CSDE1: variants seen among roughly 807,000 people sequenced by gnomAD.
The protein encoded by CSDE1 is cold shock domain containing E1.
Under a neutral mutation model 89.3 loss-of-function variants are expected in CSDE1, and 17 were observed. The ratio of observed to expected loss-of-function variants is 0.19; its 90% CI spans 0.13 to 0.29. The LOEUF is 0.29. CSDE1 is among the 10% of genes least tolerant of loss of function. The pLI, the probability that CSDE1 is intolerant of heterozygous loss-of-function variation, is 1.00. For synonymous variants in CSDE1, 322 were observed against 332.8 expected, an observed-to-expected ratio of 0.97 and a Z score of 0.35; for missense variants, 672 against 984.2, an observed-to-expected ratio of 0.68 and a Z score of 4.24.
At chr1:114,740,983 G>A (rs1231994392) in intron 2 of CSDE1, among the ~76,000 whole-genome samples, 2 of 152,158 alleles carry the variant, frequency 1.3e-5, no homozygotes, top group Non-Finnish European at 2.9e-5. Context: ...TTGAGTCAAC[G>A]ATATGTGTGA....
intron 1 of CSDE1, among the ~76,000 whole-genome samples, chr1:114,756,153 C>G (rs994242496): frequency 6.6e-6 from 1 of 152,156 alleles, no homozygotes; most frequent in Non-Finnish European, 1.5e-5. Context: ...CCCACACTCG[C>G]TAAAGGTCAC....
rs1227337956 is a variant in CSDE1 at position 114,734,503 on chromosome 1, C to T, written c.521G>A (p.Arg174His). 2 of 1,611,792 alleles carry T rather than the reference C, an allele frequency of 1.2e-6. No individual in the cohort carries two copies. The highest frequency in any genetic ancestry group is 1.1e-5 in the South Asian group (1 of 90,366). The change falls in exon 7 of 20, where the codon CGC (arginine) becomes CAC (histidine). Residue 174 changes from arginine (R) to histidine (H), a missense_variant. Physicochemically the swap from Arg to His is conservative, Grantham distance 29. Coordinates refer to ENST00000358528, the MANE Select transcript of CSDE1 (RefSeq NM_001007553.3). ...NNKHTGAVSA[R>H]NIMLLKKKQA... ...TTTCTTTTTCAACAGCATAATGTTG[C>T]GAGCACTTACAGCACCAGTACTAGA...
At chr1:114,726,664 A>T (rs1157892649) in intron 13 of CSDE1, among the ~76,000 whole-genome samples, 1 of 152,130 alleles carries the variant, frequency 6.6e-6, no homozygotes, top group East Asian at 1.9e-4. Context: ...GAAAAAATGA[A>T]CAACAACGTA....
intron 2 of CSDE1, chr1:114,746,522 T>G (rs1661019379): frequency 6.6e-6 from 1 of 152,206 alleles, no homozygotes; most frequent in South Asian, 2.1e-4. Context: ...TAGTTTATCT[T>G]TTAATCATTC....
At chr1:114,727,441 G>A (rs879439298) in intron 12 of CSDE1, among the ~76,000 whole-genome samples, 1 of 152,182 alleles carries the variant, frequency 6.6e-6, no homozygotes, top group Admixed American at 6.5e-5. Flanking sequence ...ATAAGGGCAA[G>A]AAGCTTTAGT....
chr1:114,757,740 C>A (rs568700426), intron 1 of CSDE1, among the ~76,000 whole-genome samples, 185 bp downstream of exon 1: 1 of 152,282 alleles, frequency 6.6e-6, no homozygotes, highest in South Asian at 2.1e-4. Flanking sequence ...TGACATGAGG[C>A]CCAGGCAGTT....
chr1:114,733,453 G>C (rs1401856295), intron 9 of CSDE1, among the ~76,000 whole-genome samples: 1 of 151,082 alleles, frequency 6.6e-6, no homozygotes, highest in Non-Finnish European at 1.5e-5. Flanking sequence ...TTAAACCCGG[G>C]AGGCGGAGGT....
chr1:114,730,458 AAAAG>A (rs1171177086), intron 11 of CSDE1, 36 bp from the exon 12 acceptor site: 1 of 1,610,378 alleles, frequency 6.2e-7, no homozygotes, highest in Non-Finnish European at 8.5e-7. Flanking sequence ...TTTCAATTGA[AAAAG>A]AAAGCATCAA....
chr1:114,741,537 T>TCA, intron 2 of CSDE1: 2 of 1,548,496 alleles, frequency 1.3e-6, no homozygotes, highest in Non-Finnish European at 1.7e-6. Context: ...AGATCTCTGA[T>TCA]AAGTTGGGGT....
chr1:114,745,271 A>C (rs1195583810), intron 2 of CSDE1, among the ~76,000 whole-genome samples: 1 of 152,230 alleles, frequency 6.6e-6, no homozygotes, highest in African/African-American at 2.4e-5. Context: ...AGCTTTATAC[A>C]CAAGTATTTT....
rs558362678 is a variant in CSDE1 at position 114,737,966 on chromosome 1, T to G, written c.306A>C (p.Gly102=). 1 of 1,604,450 alleles carries G rather than the reference T, an allele frequency of 6.2e-7. No individual in the cohort carries two copies. The highest frequency in any genetic ancestry group is 1.7e-4 in the Middle Eastern group (1 of 6,050). ...QEILPEERMN[G]QVVCAVPHNL... ...ACAAAGCATCAAAGTCACTAACTTG[T>G]CCATTCATTCGTTCTTCAGGGAGGA... Residue 102 remains glycine (G), a synonymous_variant, in exon 4 of 20, where the codon GGA becomes GGC. Coordinates refer to ENST00000358528, the MANE Select transcript of CSDE1 (RefSeq NM_001007553.3).
intron 1 of CSDE1, among the ~76,000 whole-genome samples, chr1:114,757,639 A>AT (rs1005315066): frequency 2.6e-5 from 4 of 151,308 alleles, no homozygotes; most frequent in African/African-American, 9.7e-5. Context: ...CGGAGCCTCC[A>AT]TTTTCGCTCC....
At chr1:114,748,612 A>C (rs1661139594) in intron 2 of CSDE1, among the ~76,000 whole-genome samples, 1 of 152,238 alleles carries the variant, frequency 6.6e-6, no homozygotes. Flanking sequence ...GAAGGTTTCT[A>C]GTTTGCACAA....
At chr1:114,720,197 T>C (rs1659436881) in intron 17 of CSDE1, 1 of 227,310 alleles carries the variant, frequency 4.4e-6, no homozygotes, top group African/African-American at 2.3e-5. Flanking sequence ...TTAAGTACTT[T>C]TGAACGTGGT....
At chr1:114,752,196 GAC>G (rs1271422926) in intron 1 of CSDE1, among the ~76,000 whole-genome samples, 1 of 152,080 alleles carries the variant, frequency 6.6e-6, no homozygotes, top group Non-Finnish European at 1.5e-5. Flanking sequence ...ACAAGATAGT[GAC>G]ACAGCACTAC....
chr1:114,718,220 T>G lies in CSDE1; in HGVS notation c.2350-4A>C, dbSNP rs761802148. On this transcript the variant is annotated splice_region_variant and splice_polypyrimidine_tract_variant and intron_variant, in intron 19 of 19. Coordinates refer to ENST00000358528, the MANE Select transcript of CSDE1 (RefSeq NM_001007553.3). ...TCTTTCTTTCTGCACCAAACCCCTG[T>G]GGGGGGGAGAAAAAAAAAACCCTGC... 3.7e-6 allele frequency: 6 copies of G among 1,611,156 alleles called. No homozygotes were observed. The highest frequency in any genetic ancestry group is 4.2e-6 in the Non-Finnish European group (5 of 1,179,094).
In CSDE1 at chr1:114,744,263, G is replaced by A. The variant is rs561429491; in HGVS notation, c.1-4373C>T. Among the ~76,000 whole-genome samples, 69 of 152,212 alleles carry A rather than the reference G, an allele frequency of 4.5e-4. 2 individuals carry two copies. The South Asian group carries it at 0.013, about 30-fold the overall frequency. ...ACAGCATGTAAAAATGTATTCAAATGAACCGAGTTTAATGTCTTAAAAAAT... is the reference window on the plus strand; with the variant it reads ...ACAGCATGTAAAAATGTATTCAAATAAACCGAGTTTAATGTCTTAAAAAAT... On this transcript the variant is annotated intron_variant, in intron 2 of 19. Coordinates refer to ENST00000358528, the MANE Select transcript of CSDE1 (RefSeq NM_001007553.3).
At chr1:114,728,288 C>A (rs186612447) in intron 12 of CSDE1, among the ~76,000 whole-genome samples, 1 of 152,142 alleles carries the variant, frequency 6.6e-6, no homozygotes, top group South Asian at 2.1e-4. Context: ...GGTCTGACTC[C>A]AATGTCATCA....
At chr1:114,719,454 A>T in intron 18 of CSDE1, 125 bp downstream of exon 18, 1 of 1,008,074 alleles carries the variant, frequency 9.9e-7, no homozygotes. Flanking sequence ...AACTAGAAGT[A>T]GGAAGTATCA....
Sources: gnomAD v4.1 joint callset for allele counts (sites outside exome capture counted in the v4.1 genomes callset) on GRCh38, gnomAD v4.1.1 for gene constraint, MANE v1.5 for transcripts, NCBI Gene and HGNC (gene_info 2026-07-23, HGNC 2026-07-21) for gene names.